Variants in ZNF419 observed in about 807,000 individuals in gnomAD.
ZNF419 encodes the protein zinc finger protein 419A.
In ZNF419, 8 loss-of-function variants were observed where a neutral mutation model predicts 14.9. The ratio of observed to expected loss-of-function variants is 0.54; its 90% CI spans 0.32 to 0.97. The LOEUF (loss-of-function observed/expected upper bound fraction) is 0.97, where lower values mean the gene tolerates loss of function less well. ZNF419 is among the 50% of genes least tolerant of loss of function. The pLI is 0.04. For missense variants in ZNF419, 595 were observed against 607.2 expected (o/e 0.98, Z 0.21); for synonymous variants, 211 against 205.3 (o/e 1.03, Z -0.24).
rs201293789 is a variant in ZNF419 at position 57,491,502 on chromosome 19, A to T, written c.104A>T (p.Tyr35Phe). 2.5e-5 allele frequency: 40 copies of T among 1,614,070 alleles called. No individual in the cohort carries two copies. In the East Asian group the frequency reaches 8.2e-4, roughly 33 times the overall value. Residue 35 changes from tyrosine (Y) to phenylalanine (F), a missense_variant, in exon 3 of 5, where the codon TAC (tyrosine) becomes TTC (phenylalanine). Coordinates refer to ENST00000221735, the MANE Select transcript of ZNF419 (RefSeq NM_024691.4). Reference sequence around the variant, plus strand: ...GTGACCTTTGAGGATGTGGCTGTCTACTTCTCCCAGGAGGAATGGAGATTG... The same window carrying T: ...GTGACCTTTGAGGATGTGGCTGTCTTCTTCTCCCAGGAGGAATGGAGATTG... ...GYVTFEDVAVYFSQEEWRLLD... is the reference protein window; with the variant it reads ...GYVTFEDVAVFFSQEEWRLLD...
chr19:57,491,502 A>C lies in ZNF419; in HGVS notation c.104A>C (p.Tyr35Ser), dbSNP rs201293789. 8.1e-6 allele frequency: 13 copies of C among 1,613,952 alleles called. No individual in the cohort carries two copies. The African/African-American group carries it at 1.5e-4, about 18-fold the overall frequency. Residue 35 changes from tyrosine to serine, a missense_variant, in exon 3 of 5, where the codon TAC (tyrosine) becomes TCC (serine). Physicochemically the swap from Tyr to Ser is moderately radical, Grantham distance 144. Coordinates refer to ENST00000221735, the MANE Select transcript of ZNF419 (RefSeq NM_024691.4). ...GYVTFEDVAV[Y>S]FSQEEWRLLD... The stretch of plus-strand genomic sequence containing the variant: ...GTGACCTTTGAGGATGTGGCTGTCT[A>C]CTTCTCCCAGGAGGAATGGAGATTG...
At chr19:57,489,528 T>G (rs2089436641) in intron 1 of ZNF419, 1 of 141,024 alleles carries the variant, frequency 7.1e-6, no homozygotes, top group South Asian at 2.3e-4. Context: ...TCGCTTTTGT[T>G]GCCCAGGCTA....
chr19:57,490,714 A>G (rs999362075), intron 2 of ZNF419: 2 of 154,692 alleles, frequency 1.3e-5, no homozygotes, highest in Non-Finnish European at 2.9e-5. Context: ...TTTAGAAGGC[A>G]TAGTGATCAA....
At position 57,487,873 on chromosome 19, in the gene ZNF419, G is replaced by T; in HGVS notation, c.-78G>T. 6.2e-7 allele frequency: 1 copy of T among 1,603,408 alleles called. No individual in the cohort carries two copies. ...CTCGCCGCTCAGAGGCGGGTCTGAG[G>T]CTCGGTGGCGGCGCCCAGGGTGGCC... On this transcript the variant is annotated 5_prime_UTR_variant, in exon 1 of 5. Transcript: ENST00000221735.
At position 57,487,950 on chromosome 19, in the gene ZNF419, G is replaced by A. The variant is rs1421801756; in HGVS notation, c.-1G>A. On this transcript the variant is annotated 5_prime_UTR_variant, in exon 1 of 5. Coordinates refer to ENST00000221735, the MANE Select transcript of ZNF419 (RefSeq NM_024691.4). ...CCCTCCAGCTCTACTCACAGGCTCC[G>A]ATGGCGGCGGCCGCCCTGAGGGACC... 1 of 1,613,832 alleles carries A rather than the reference G, an allele frequency of 6.2e-7. No homozygotes were observed. The highest frequency in any genetic ancestry group is 1.7e-5 in the Admixed American group (1 of 60,020).
Position 57,493,499 on chromosome 19 carries a change from T to A in ZNF419, c.942T>A (p.Pro314=). 6.2e-7 allele frequency: 1 copy of A among 1,614,144 alleles called. No individual in the cohort carries two copies. The highest frequency in any genetic ancestry group is 8.5e-7 in the Non-Finnish European group (1 of 1,180,018). The change falls in exon 5 of 5, where the codon CCT becomes CCA. Residue 314 remains proline (P), a synonymous_variant. Transcript: ENST00000221735. ...ACAAAATCCACACTGGAGTAAGGCC[T>A]TATGAGTGCAGTGAATGTGGAAAAT... ...QHHKIHTGVR[P]YECSECGKLF...
rs375017132 is a variant in ZNF419 at position 57,493,132 on chromosome 19, G to C, written c.575G>C (p.Ser192Thr). 4.3e-6 allele frequency: 7 copies of C among 1,614,072 alleles called. No individual in the cohort carries two copies. Among genetic ancestry groups the C allele is most frequent in the South Asian group, 1.1e-5 (1 of 91,090 alleles). Reference sequence around the variant, plus strand: ...GAGAAGTCACATAGGAGCTCCAAAAGTAGGGAGGCCTTTCATGCTGGAAAA... The same window carrying C: ...GAGAAGTCACATAGGAGCTCCAAAACTAGGGAGGCCTTTCATGCTGGAAAA... ...TGEKSHRSSK[S>T]REAFHAGKRH... Residue 192 changes from serine to threonine, a missense_variant, in exon 5 of 5, where the codon AGT becomes ACT. Ser to Thr is a moderately conservative substitution (Grantham distance 58). Transcript: ENST00000221735.
intron 1 of ZNF419, chr19:57,489,898 A>T: frequency 2.0e-6 from 1 of 510,778 alleles, no homozygotes; most frequent in Non-Finnish European, 3.5e-6. Context: ...ACACATAAGA[A>T]TGAGTTTGAT....
chr19:57,488,322 C>T, intron 1 of ZNF419: 2 of 403,482 alleles, frequency 5.0e-6, no homozygotes, highest in Non-Finnish European at 9.1e-6. Context: ...AGATCTGTTT[C>T]TCAAAGTTTG....
intron 4 of ZNF419, 173 bp from the exon 5 acceptor site, chr19:57,492,683 G>C (rs749530125): frequency 2.2e-6 from 2 of 923,272 alleles, no homozygotes; most frequent in Non-Finnish European, 3.6e-6. Flanking sequence ...AAATCCTTGA[G>C]CTGGCCAGAT....
intron 1 of ZNF419, chr19:57,489,891 C>T: frequency 2.0e-6 from 1 of 496,216 alleles, no homozygotes; most frequent in East Asian, 3.6e-5. Flanking sequence ...GTCCTAGACA[C>T]ATAAGAATGA....
rs1219233857 is a variant in ZNF419 at position 57,493,577 on chromosome 19, A to G, written c.1020A>G (p.Glu340=). Residue 340 remains glutamate, a synonymous_variant, in exon 5 of 5, where the codon GAA becomes GAG. Transcript: ENST00000221735. ...LMKHQRIHTG[E]RPYKCSECGK... ...AACATCAGAGAATTCACACTGGAGAAAGACCTTATAAGTGCAGTGAATGTG... is the reference window on the plus strand; with the variant it reads ...AACATCAGAGAATTCACACTGGAGAGAGACCTTATAAGTGCAGTGAATGTG... 2.5e-6 allele frequency: 4 copies of G among 1,609,018 alleles called. No homozygotes were observed. Among genetic ancestry groups the G allele is most frequent in the African/African-American group, 1.3e-5 (1 of 74,820 alleles).
At position 57,495,905 on chromosome 19, in the gene ZNF419, G is replaced by A; in HGVS notation, c.*1815G>A. ...TACATATTCCCTATCTTTACTGAGA[G>A]CCTAGCAAGCCATGGCATTCCAGTA... On this transcript the variant is annotated 3_prime_UTR_variant, in exon 5 of 5. Transcript: ENST00000221735. 1 of 151,954 alleles carries A rather than the reference G, an allele frequency of 6.6e-6. No homozygotes were observed. The highest frequency in any genetic ancestry group is 1.9e-4 in the East Asian group (1 of 5,194). 9.4% of individuals were successfully genotyped at this position (151,954 alleles called of 1,614,324 possible). A position where few individuals can be genotyped will look rare whatever the true frequency, so the allele number is the denominator to read the frequency against.
chr19:57,488,381 G>A (rs2089407016), intron 1 of ZNF419: 1 of 249,776 alleles, frequency 4.0e-6, no homozygotes, highest in Non-Finnish European at 7.9e-6. Flanking sequence ...TGAGGCGGGT[G>A]AAGACAGACC....
chr19:57,494,773 C>T lies in ZNF419; in HGVS notation c.*683C>T, dbSNP rs1047051479. ...TCATTCAGTTATTCTGTAAGTTGAT[C>T]CAAATGTTTCAAATTTTAAGAACTT... On this transcript the variant is annotated 3_prime_UTR_variant, in exon 5 of 5. Coordinates refer to ENST00000221735, the MANE Select transcript of ZNF419 (RefSeq NM_024691.4). The T allele has an allele frequency of 5.7e-6, 1 of 175,248 alleles. No homozygotes were observed. The highest frequency in any genetic ancestry group is 2.1e-3 in the Middle Eastern group (1 of 468). The allele number at this position is 175,248 out of a possible 1,614,324, so 10.9% of individuals were successfully genotyped here. A position where few individuals can be genotyped will look rare whatever the true frequency, so the allele number is the denominator to read the frequency against.
Position 57,492,361 on chromosome 19 carries a change from T to G in ZNF419, c.298+150T>G, listed in dbSNP as rs533534349. On this transcript the variant is annotated intron_variant, in intron 4 of 4. Transcript: ENST00000221735. The stretch of plus-strand genomic sequence containing the variant: ...TCACCCATTTATATCTATTCTGATG[T>G]TTGACCTAGGGCCATTCCCCACCTC... 9 of 936,092 alleles carry G rather than the reference T, an allele frequency of 9.6e-6. No individual in the cohort carries two copies. In the Admixed American group the frequency reaches 1.0e-4, roughly 11 times the overall value. 58.0% of individuals were successfully genotyped at this position (936,092 alleles called of 1,614,324 possible). A position where few individuals can be genotyped will look rare whatever the true frequency, so the allele number is the denominator to read the frequency against.
rs2089445460 is a variant in ZNF419 at position 57,489,936 on chromosome 19, C to A, written c.34-211C>A. On this transcript the variant is annotated intron_variant, in intron 1 of 4. Transcript: ENST00000221735. ...AAACAATCGTCCTATTGAGTAAATA[C>A]CATTATTATTGCCATGTTGCAGATG... 3 of 575,888 alleles carry A rather than the reference C, an allele frequency of 5.2e-6. No homozygotes were observed. In the South Asian group the frequency reaches 6.2e-5, roughly 12 times the overall value. The allele number at this position is 575,888 out of a possible 1,614,324, so 35.7% of individuals were successfully genotyped here.
intron 1 of ZNF419, chr19:57,488,288 A>G (rs985443029): frequency 4.0e-6 from 2 of 497,806 alleles, no homozygotes; most frequent in African/African-American, 3.9e-5. Flanking sequence ...GTGGCCGCGG[A>G]GGGCTGGAGA....
rs908319401 is a variant in ZNF419 at position 57,492,437 on chromosome 19, T to G, written c.298+226T>G. On this transcript the variant is annotated intron_variant, in intron 4 of 4. Transcript: ENST00000221735. The stretch of plus-strand genomic sequence containing the variant: ...ATCAGCAGAACCCTTCAGCAGTGGC[T>G]TTCACTGAATGTGTGGTGAGGTGGA... The G allele has an allele frequency of 3.9e-6, 3 of 772,068 alleles. No individual in the cohort carries two copies. The African/African-American group carries it at 5.1e-5, about 13-fold the overall frequency. 47.8% of individuals were successfully genotyped at this position (772,068 alleles called of 1,614,324 possible).
Sources: allele counts gnomAD v4.1 joint callset, GRCh38; gene constraint gnomAD v4.1.1; transcripts MANE v1.5; gene names NCBI Gene and HGNC (gene_info 2026-07-23, HGNC 2026-07-21).